ATP13A4: variants seen among roughly 807,000 people sequenced by gnomAD.
ATP13A4 encodes ATPase 13A4.
Under a neutral mutation model 142.5 loss-of-function variants are expected in ATP13A4, and 114 were observed. The ratio of observed to expected loss-of-function variants is 0.80; its 90% confidence interval spans 0.69 to 0.93. The LOEUF is 0.93. ATP13A4 is among the 40% of genes least tolerant of loss of function. ATP13A4 has a pLI of 0.00. For missense variants in ATP13A4, 1,392 were observed against 1,454.0 expected (o/e 0.96, Z 0.69); for synonymous variants, 488 against 514.8 (o/e 0.95, Z 0.70).
intron 25 of ATP13A4, among the ~76,000 whole-genome samples, chr3:193,415,562 T>A (rs190057619): frequency 6.6e-6 from 1 of 152,314 alleles, no homozygotes; most frequent in East Asian, 1.9e-4. Context: ...TGGTCCCTGG[T>A]TACAAAAGGA....
intron 3 of ATP13A4, among the ~76,000 whole-genome samples, chr3:193,493,702 G>A (rs1437696516): frequency 1.3e-5 from 2 of 152,066 alleles, no homozygotes; most frequent in Non-Finnish European, 2.9e-5. Context: ...GAGCACGCCT[G>A]TTTGTAGAAT....
intron 2 of ATP13A4, chr3:193,579,526 G>A (rs569709859): frequency 2.5e-4 from 37 of 147,678 alleles, no homozygotes; most frequent in Middle Eastern, 3.4e-3. Flanking sequence ...CTTACTATAG[G>A]TAGTGTTTTT....
rs1249838696 is a variant in ATP13A4 at position 193,439,167 on chromosome 3, A to T, written c.2520-102T>A. On this transcript the variant is annotated intron_variant, in intron 21 of 29. Transcript: ENST00000342695. ...CCATCATTACTTAGGGTTCAAACTC[A>T]TTATTTAAGGGAATTTTCCTAAGAG... The T allele has an allele frequency of 3.2e-6, 4 of 1,242,134 alleles. No homozygotes were observed. The Admixed American group carries it at 6.8e-5, about 21-fold the overall frequency. The allele number at this position is 1,242,134 out of a possible 1,614,324, so 76.9% of individuals were successfully genotyped here. A position where few individuals can be genotyped will look rare whatever the true frequency, so the allele number is the denominator to read the frequency against.
At chr3:193,549,002 G>A (rs1055275341) in intron 1 of ATP13A4, among the ~76,000 whole-genome samples, 1 of 152,174 alleles carries the variant, frequency 6.6e-6, no homozygotes, top group Non-Finnish European at 1.5e-5. Context: ...TCAAGGAAAT[G>A]TAAAAATAAT....
intron 1 of ATP13A4, among the ~76,000 whole-genome samples, chr3:193,516,012 T>C (rs1721394479): frequency 6.6e-6 from 1 of 152,224 alleles, no homozygotes. Context: ...TGTTGCCCTA[T>C]GTAAGCATTT....
chr3:193,457,071 A>G lies in ATP13A4; in HGVS notation c.1844T>C (p.Met615Thr), dbSNP rs373219578. Residue 615 changes from methionine (M) to threonine (T), a missense_variant, in exon 16 of 30, where the codon ATG becomes ACG. Coordinates refer to ENST00000342695, the MANE Select transcript of ATP13A4 (RefSeq NM_032279.4). ...LQRMTVIVQE[M>T]GGDRLAFMKG... ...CATGAATGCCAGTCGGTCACCTCCC[A>G]TCTCTTGGACAATGACTGTCATTCT... 1.9e-6 allele frequency: 3 copies of G among 1,614,046 alleles called. No individual in the cohort carries two copies. The highest frequency in any genetic ancestry group is 1.3e-5 in the African/African-American group (1 of 75,034).
At chr3:193,523,118 C>T (rs1388017156) in intron 1 of ATP13A4, among the ~76,000 whole-genome samples, 3 of 152,060 alleles carry the variant, frequency 2.0e-5, no homozygotes, top group African/African-American at 7.2e-5. Context: ...GCCTAGCCAA[C>T]AAGGTGAAAC....
chr3:193,399,778 G>A lies in ATP13A4; in HGVS notation c.*2874C>T, dbSNP rs765505716. On this transcript the variant is annotated 3_prime_UTR_variant, in exon 30 of 30. Transcript: ENST00000342695. ...GGAGAATGGTGTGAATCCGGGAGGC[G>A]GAGCTGGCAGTGAGCCGAGATTGTG... Among the ~76,000 whole-genome samples, 5 of 149,926 alleles carry A rather than the reference G, an allele frequency of 3.3e-5. No homozygotes were observed. Among genetic ancestry groups the A allele is most frequent in the Non-Finnish European group, 7.4e-5 (5 of 67,720 alleles).
chr3:193,474,502 C>T (rs1718823269), intron 8 of ATP13A4, among the ~76,000 whole-genome samples: 1 of 148,726 alleles, frequency 6.7e-6, no homozygotes, highest in Admixed American at 6.7e-5. Flanking sequence ...CACCATTGCA[C>T]TCCAGTTGGG....
intron 1 of ATP13A4, among the ~76,000 whole-genome samples, chr3:193,589,621 C>G (rs531235758): frequency 1.7e-4 from 26 of 152,180 alleles, no homozygotes; most frequent in African/African-American, 6.3e-4. Context: ...CCCAGCTGAA[C>G]TGGAAAATTT....
At chr3:193,422,006 T>G (rs1051317061) in intron 25 of ATP13A4, among the ~76,000 whole-genome samples, 5 of 149,760 alleles carry the variant, frequency 3.3e-5, no homozygotes, top group African/African-American at 1.2e-4. Flanking sequence ...AGTAGCTGAA[T>G]AGATTTTAAA....
intron 17 of ATP13A4, among the ~76,000 whole-genome samples, chr3:193,450,257 C>A (rs1404521530): frequency 6.6e-6 from 1 of 152,164 alleles, no homozygotes; most frequent in Non-Finnish European, 1.5e-5. Flanking sequence ...TCCTTGGGAA[C>A]AATCCCACCT....
intron 21 of ATP13A4, 61 bp from the exon 22 acceptor site, chr3:193,439,126 TA>T: frequency 6.7e-7 from 1 of 1,491,120 alleles, no homozygotes; most frequent in Non-Finnish European, 9.4e-7. Flanking sequence ...TTTCTCTAAT[TA>T]AAAAAACAAA....
intron 2 of ATP13A4, chr3:193,579,515 T>C (rs1328994518): frequency 6.8e-6 from 1 of 146,304 alleles, no homozygotes; most frequent in East Asian, 2.0e-4. Flanking sequence ...ATATTCCTAT[T>C]CTTACTATAG....
chr3:193,514,951 G>A (rs1721330717), intron 1 of ATP13A4, 80 bp from the exon 2 acceptor site: 7 of 1,492,088 alleles, frequency 4.7e-6, no homozygotes, highest in Non-Finnish European at 6.5e-6. Flanking sequence ...TTTAGTGATG[G>A]AAATGGGGGC....
At chr3:193,572,648 G>C (rs774688358) in intron 2 of ATP13A4, among the ~76,000 whole-genome samples, 1 of 152,154 alleles carries the variant, frequency 6.6e-6, no homozygotes. Flanking sequence ...TCAAGGTCTG[G>C]ACAAGAGTGG....
At chr3:193,423,088 G>C (rs1715483908) in intron 25 of ATP13A4, among the ~76,000 whole-genome samples, 1 of 149,550 alleles carries the variant, frequency 6.7e-6, no homozygotes, top group Non-Finnish European at 1.5e-5. Context: ...ATGAACAACT[G>C]TATGCCAACA....
At chr3:193,545,558 G>A (rs1723170825) in intron 1 of ATP13A4, among the ~76,000 whole-genome samples, 1 of 152,056 alleles carries the variant, frequency 6.6e-6, no homozygotes, top group South Asian at 2.1e-4. Context: ...TATATGAAGG[G>A]CACTCAGAAG....
At chr3:193,409,771 G>C (rs1228217592) in intron 28 of ATP13A4, among the ~76,000 whole-genome samples, 1 of 152,216 alleles carries the variant, frequency 6.6e-6, no homozygotes, top group Admixed American at 6.5e-5. Flanking sequence ...GTCACTGTGG[G>C]TTTGTGCAGG....
Sources: allele counts gnomAD v4.1 joint callset (sites outside exome capture counted in the v4.1 genomes callset), GRCh38; gene constraint gnomAD v4.1.1; transcripts MANE v1.5; gene names NCBI Gene and HGNC (gene_info 2026-07-23, HGNC 2026-07-21).